Variants in PRKG1 observed in about 807,000 individuals in gnomAD.
PRKG1 encodes the protein protein kinase cGMP-dependent 1, also known as cGMP-dependent protein kinase 1.
Under a neutral mutation model 88.1 loss-of-function variants are expected in PRKG1, and 35 were observed. The observed-to-expected ratio is 0.40, with a 90% CI of 0.30 to 0.53. The LOEUF (loss-of-function observed/expected upper bound fraction) is 0.53, where lower values mean the gene tolerates loss of function less well. PRKG1 is among the 20% of genes least tolerant of loss of function. The pLI is 0.59. For synonymous variants in PRKG1, 303 were observed against 292.5 expected (o/e 1.04, Z -0.37); for missense variants, 540 against 839.8 (o/e 0.64, Z 4.41).
intron 2 of PRKG1, among the ~76,000 whole-genome samples, chr10:51,464,890 CAAAAA>C (rs11316369): frequency 5.7e-5 from 5 of 88,162 alleles, no homozygotes; most frequent in East Asian, 3.5e-4. Context: ...GACTCCGTCT[CAAAAA>C]AAAAAAAAAA....
intron 3 of PRKG1, among the ~76,000 whole-genome samples, chr10:51,692,226 G>A (rs572864355): frequency 7.0e-6 from 1 of 141,934 alleles, no homozygotes; most frequent in Non-Finnish European, 1.5e-5. Flanking sequence ...GCCCTATATT[G>A]GCCTTTTTAA....
At chr10:52,268,005 C>T (rs1841621395) in intron 10 of PRKG1, among the ~76,000 whole-genome samples, 1 of 152,062 alleles carries the variant, frequency 6.6e-6, no homozygotes, top group Non-Finnish European at 1.5e-5. Context: ...CAACATTCTC[C>T]ACTGTCTCTG....
chr10:51,098,815 A>C (rs1589150869), intron 1 of PRKG1, among the ~76,000 whole-genome samples: 1 of 152,024 alleles, frequency 6.6e-6, no homozygotes, highest in African/African-American at 2.4e-5. Context: ...CTTTAAATCC[A>C]CTTTTGCTTC....
chr10:51,252,168 A>G (rs766931299), intron 2 of PRKG1, among the ~76,000 whole-genome samples: 3 of 151,770 alleles, frequency 2.0e-5, no homozygotes, highest in Non-Finnish European at 4.4e-5. Context: ...GAAGCAAAAC[A>G]AAAACAAAAA....
intron 2 of PRKG1, among the ~76,000 whole-genome samples, chr10:51,390,969 G>C (rs929192118): frequency 7.2e-5 from 11 of 152,196 alleles, no homozygotes; most frequent in African/African-American, 2.2e-4. Context: ...CCTGCGCAAA[G>C]ATAATTGGTT....
intron 1 of PRKG1, among the ~76,000 whole-genome samples, chr10:50,996,040 T>A (rs2132710241): frequency 6.6e-6 from 1 of 152,308 alleles, no homozygotes; most frequent in Admixed American, 6.5e-5. Context: ...AGTGAGTAGG[T>A]CTTAGCTGAA....
At chr10:51,140,814 T>G (rs1845802992) in intron 1 of PRKG1, among the ~76,000 whole-genome samples, 1 of 152,110 alleles carries the variant, frequency 6.6e-6, no homozygotes, top group Non-Finnish European at 1.5e-5. Context: ...CAGCAATTCT[T>G]GCACCTCTAA....
intron 6 of PRKG1, among the ~76,000 whole-genome samples, chr10:52,059,833 C>T (rs1234904901): frequency 6.6e-6 from 1 of 151,852 alleles, no homozygotes; most frequent in East Asian, 1.9e-4. Context: ...TTTCTAAATA[C>T]TGTAACATGT....
At chr10:51,385,622 T>C (rs1448585128) in intron 2 of PRKG1, among the ~76,000 whole-genome samples, 2 of 152,168 alleles carry the variant, frequency 1.3e-5, no homozygotes, top group African/African-American at 4.8e-5. Flanking sequence ...GACTCCTACA[T>C]TGGCCTTGGT....
intron 2 of PRKG1, among the ~76,000 whole-genome samples, chr10:51,352,206 A>G (rs1300499066): frequency 2.0e-5 from 3 of 152,130 alleles, no homozygotes; most frequent in African/African-American, 7.2e-5. Context: ...CTTTTTGCTT[A>G]GGATTGTCTT....
At chr10:51,728,367 T>C (rs901170437) in intron 3 of PRKG1, among the ~76,000 whole-genome samples, 1 of 151,988 alleles carries the variant, frequency 6.6e-6, no homozygotes, top group Non-Finnish European at 1.5e-5. Context: ...ACATTTTGTC[T>C]TGAATAAACA....
intron 5 of PRKG1, among the ~76,000 whole-genome samples, chr10:51,979,410 G>GTTTTTTTTTTTTTTTGTTTTT (rs1843937663): frequency 2.1e-5 from 1 of 47,056 alleles, no homozygotes; most frequent in Non-Finnish European, 3.6e-5. Context: ...ATATTGGTCT[G>GTTTTTTTTTTTTTTTGTTTTT]TTTTTTTTTT....
At chr10:51,877,832 C>T (rs539718629) in intron 4 of PRKG1, among the ~76,000 whole-genome samples, 1 of 152,258 alleles carries the variant, frequency 6.6e-6, no homozygotes, top group South Asian at 2.1e-4. Context: ...TTCCCAACTT[C>T]CCACCTCATG....
At chr10:51,663,981 T>G (rs1840363618) in intron 3 of PRKG1, among the ~76,000 whole-genome samples, 1 of 152,112 alleles carries the variant, frequency 6.6e-6, no homozygotes, top group African/African-American at 2.4e-5. Context: ...AATTTCTACT[T>G]TAAAAATTAT....
intron 5 of PRKG1, among the ~76,000 whole-genome samples, chr10:51,993,572 A>G (rs964472414): frequency 2.6e-5 from 4 of 152,186 alleles, no homozygotes; most frequent in African/African-American, 7.2e-5. Context: ...GTAGCTAGCA[A>G]TTGGCAATGC....
At chr10:51,921,469 G>T (rs929392957) in intron 5 of PRKG1, among the ~76,000 whole-genome samples, 10 of 152,006 alleles carry the variant, frequency 6.6e-5, no homozygotes, top group African/African-American at 2.4e-4. Flanking sequence ...GTGGTGTGAG[G>T]GGACATCCTT....
chr10:51,914,526 G>A (rs1842295682), intron 5 of PRKG1, among the ~76,000 whole-genome samples: 1 of 152,118 alleles, frequency 6.6e-6, no homozygotes, highest in Non-Finnish European at 1.5e-5. Flanking sequence ...AAGAGAAGTG[G>A]GGCATGGATG....
chr10:51,730,241 C>T (rs1446083851), intron 3 of PRKG1, among the ~76,000 whole-genome samples: 1 of 152,172 alleles, frequency 6.6e-6, no homozygotes, highest in East Asian at 1.9e-4. Context: ...CAACCTAGAG[C>T]ACTAATAGTT....
intron 3 of PRKG1, among the ~76,000 whole-genome samples, chr10:51,722,527 T>C (rs1269023059): frequency 6.6e-6 from 1 of 152,044 alleles, no homozygotes; most frequent in Non-Finnish European, 1.5e-5. Context: ...ACATGGAAAA[T>C]TTATTCATCT....
Sources: gnomAD v4.1 joint callset for allele counts (sites outside exome capture counted in the v4.1 genomes callset) on GRCh38, gnomAD v4.1.1 for gene constraint, MANE v1.5 for transcripts, NCBI Gene and HGNC (gene_info 2026-07-23, HGNC 2026-07-21) for gene names.